The following TBC1D5 variants were observed in gnomAD, a reference collection of about 807,000 sequenced individuals.
The protein encoded by TBC1D5 is TBC1 domain family, member 5.
In TBC1D5, 75 loss-of-function variants were observed where a neutral mutation model predicts 100.3. The ratio of observed to expected loss-of-function variants is 0.75; its 90% CI spans 0.62 to 0.91. TBC1D5 has a LOEUF of 0.91. Ranked by LOEUF, TBC1D5 falls within the 40% of genes least tolerant of loss-of-function variation. The pLI, the probability that TBC1D5 is intolerant of heterozygous loss-of-function variation, is 0.00. For synonymous variants in TBC1D5, 323 were observed against 325.6 expected (o/e 0.99, Z 0.09); for missense variants, 910 against 942.4 (o/e 0.97, Z 0.45).
chr3:17,475,174 G>GCCACCCC (rs1559968506), intron 3 of TBC1D5, among the ~76,000 whole-genome samples: 2 of 150,086 alleles, frequency 1.3e-5, no homozygotes, highest in African/African-American at 5.0e-5. Context: ...GTTCTACCTT[G>GCCACCCC]CCCCGCCCCA....
At chr3:17,274,993 A>G (rs2079828509) in intron 15 of TBC1D5, among the ~76,000 whole-genome samples, 1 of 152,212 alleles carries the variant, frequency 6.6e-6, no homozygotes, top group Non-Finnish European at 1.5e-5. Flanking sequence ...GTGAAAAATA[A>G]TAGTGTGCAG....
intron 13 of TBC1D5, among the ~76,000 whole-genome samples, chr3:17,335,315 G>A (rs1333713587): frequency 6.6e-6 from 1 of 152,096 alleles, no homozygotes; most frequent in Non-Finnish European, 1.5e-5. Flanking sequence ...ATACATAAAT[G>A]TGCAGATCAC....
intron 1 of TBC1D5, among the ~76,000 whole-genome samples, chr3:17,633,950 T>C (rs1302316995): frequency 6.6e-6 from 1 of 152,078 alleles, no homozygotes; most frequent in Non-Finnish European, 1.5e-5. Context: ...TTAGTCAAAA[T>C]ATGAATATGA....
intron 17 of TBC1D5, among the ~76,000 whole-genome samples, chr3:17,220,411 G>C (rs1024923800): frequency 6.6e-6 from 1 of 152,078 alleles, no homozygotes; most frequent in African/African-American, 2.4e-5. Context: ...GAGAGGCTGA[G>C]TATCTTTTAA....
intron 18 of TBC1D5, among the ~76,000 whole-genome samples, chr3:17,192,126 T>C (rs1272161057): frequency 6.6e-6 from 1 of 152,142 alleles, no homozygotes; most frequent in Non-Finnish European, 1.5e-5. Flanking sequence ...GGGTGATTTT[T>C]TCTCTCCTTT....
At chr3:17,491,543 T>C (rs2095640027) in intron 3 of TBC1D5, among the ~76,000 whole-genome samples, 1 of 152,210 alleles carries the variant, frequency 6.6e-6, no homozygotes, top group Admixed American at 6.5e-5. Context: ...TTGAAGGCCT[T>C]TTCTGCCTCT....
chr3:17,530,315 A>G (rs2096203845), intron 2 of TBC1D5, among the ~76,000 whole-genome samples: 1 of 152,060 alleles, frequency 6.6e-6, no homozygotes, highest in Non-Finnish European at 1.5e-5. Flanking sequence ...ACAAGTATAC[A>G]AATACACCTA....
intron 17 of TBC1D5, among the ~76,000 whole-genome samples, chr3:17,231,291 T>C (rs1183818888): frequency 2.6e-5 from 4 of 152,182 alleles, no homozygotes; most frequent in Admixed American, 6.5e-5. Context: ...AAGTCTTTGA[T>C]AAACAAAGTC....
At chr3:17,210,374 G>A (rs1184055369) in intron 18 of TBC1D5, among the ~76,000 whole-genome samples, 4 of 151,914 alleles carry the variant, frequency 2.6e-5, no homozygotes, top group South Asian at 2.1e-4. Context: ...TTTTAGTAGC[G>A]ATGGGGTTTC....
intron 17 of TBC1D5, among the ~76,000 whole-genome samples, chr3:17,235,725 G>C: frequency 6.6e-6 from 1 of 152,166 alleles, no homozygotes; most frequent in Non-Finnish European, 1.5e-5. Flanking sequence ...GGGTCAGAGA[G>C]CTTCAGGGTG....
At chr3:17,613,759 T>C (rs1033419895) in intron 2 of TBC1D5, among the ~76,000 whole-genome samples, 2 of 152,230 alleles carry the variant, frequency 1.3e-5, no homozygotes, top group Admixed American at 1.3e-4. Context: ...TAAATTTGCT[T>C]AAGTTCTTTG....
chr3:17,643,174 C>T (rs529920296), intron 1 of TBC1D5, among the ~76,000 whole-genome samples: 1 of 152,066 alleles, frequency 6.6e-6, no homozygotes, highest in South Asian at 2.1e-4. Context: ...GAGTGCTAGT[C>T]CGTTATTTTG....
chr3:17,729,445 C>T (rs1205713973), intron 1 of TBC1D5, among the ~76,000 whole-genome samples: 3 of 151,990 alleles, frequency 2.0e-5, no homozygotes, highest in African/African-American at 4.8e-5. Flanking sequence ...AGGTGGCTCA[C>T]GCCTATAATC....
At chr3:17,423,549 T>A (rs2094267491) in intron 4 of TBC1D5, among the ~76,000 whole-genome samples, 1 of 152,174 alleles carries the variant, frequency 6.6e-6, no homozygotes, top group Non-Finnish European at 1.5e-5. Context: ...ATCTTTGGTG[T>A]TTATAATTTT....
intron 1 of TBC1D5, among the ~76,000 whole-genome samples, chr3:17,663,700 A>G (rs2066911633): frequency 6.6e-6 from 1 of 152,172 alleles, no homozygotes; most frequent in Non-Finnish European, 1.5e-5. Flanking sequence ...AATTTAGCCT[A>G]TGGAAATAAT....
At chr3:17,721,222 T>C (rs2075672276) in intron 1 of TBC1D5, among the ~76,000 whole-genome samples, 1 of 152,190 alleles carries the variant, frequency 6.6e-6, no homozygotes, top group Non-Finnish European at 1.5e-5. Flanking sequence ...TCTAGGTCTA[T>C]CAAATATTTT....
chr3:17,617,541 G>A (rs976695004), intron 2 of TBC1D5, among the ~76,000 whole-genome samples: 2 of 152,178 alleles, frequency 1.3e-5, no homozygotes, highest in African/African-American at 2.4e-5. Context: ...CCAATCAAAC[G>A]TAGATTTGGT....
intron 1 of TBC1D5, among the ~76,000 whole-genome samples, chr3:17,715,390 A>G (rs1577732496): frequency 6.6e-6 from 1 of 152,228 alleles, no homozygotes. Context: ...TTTTTCAAGG[A>G]GACCAAGTAT....
intron 1 of TBC1D5, among the ~76,000 whole-genome samples, chr3:17,626,077 G>A (rs1340763299): frequency 6.6e-6 from 1 of 151,810 alleles, no homozygotes; most frequent in Non-Finnish European, 1.5e-5. Context: ...AAAGAATTAA[G>A]TTGGACCATT....
Sources: allele counts gnomAD v4.1 joint callset (sites outside exome capture counted in the v4.1 genomes callset), GRCh38; gene constraint gnomAD v4.1.1; transcripts MANE v1.5; gene names NCBI Gene and HGNC (gene_info 2026-07-23, HGNC 2026-07-21).